The following ITPR1 variants were observed in gnomAD, a reference collection of about 807,000 sequenced individuals.
ITPR1 encodes the protein inositol 1,4,5-trisphosphate-gated calcium channel ITPR1.
A neutral mutation model predicts 318.4 loss-of-function variants in ITPR1; 96 were observed. The ratio of observed to expected loss-of-function variants is 0.30; its 90% CI spans 0.26 to 0.36. The LOEUF is 0.36. Among genes scored for constraint, ITPR1 ranks in the 10% least tolerant of loss-of-function variants. The probability of loss-of-function intolerance (pLI) is 1.00; values close to 1 mark genes in which losing one functional copy is unlikely to be tolerated. For synonymous variants in ITPR1, 1,312 were observed against 1,289.9 expected (o/e 1.02, Z -0.37); for missense variants, 2,440 against 3,460.2 (o/e 0.71, Z 7.40).
At chr3:4,502,281 A>G (rs1399519751) in intron 2 of ITPR1, among the ~76,000 whole-genome samples, 1 of 150,410 alleles carries the variant, frequency 6.6e-6, no homozygotes, top group Non-Finnish European at 1.5e-5. Flanking sequence ...GTCATTTGAA[A>G]CTCCAGGGCC....
chr3:4,604,112 G>C (rs1372602764), intron 4 of ITPR1, among the ~76,000 whole-genome samples: 1 of 152,062 alleles, frequency 6.6e-6, no homozygotes, highest in African/African-American at 2.4e-5. Flanking sequence ...TTCCTGTGTT[G>C]GTTGACCATC....
chr3:4,544,715 T>C lies in ITPR1; in HGVS notation c.163+23621T>C, dbSNP rs79199861. ...AATGCATAGTCTGAGATTTTCTCTTTATCTGTCATCCCTTTTAAGTGATGG... is the reference window on the plus strand; with the variant it reads ...AATGCATAGTCTGAGATTTTCTCTTCATCTGTCATCCCTTTTAAGTGATGG... On this transcript the variant is annotated intron_variant, in intron 4 of 61. Coordinates refer to ENST00000649015, the MANE Select transcript of ITPR1 (RefSeq NM_001378452.1). Among the ~76,000 whole-genome samples, 1,139 of 152,346 alleles carry C rather than the reference T, an allele frequency of 7.5e-3. 47 individuals are homozygous for C. Among genetic ancestry groups the C allele is most frequent in the Admixed American group, 0.058 (888 of 15,298 alleles).
intron 4 of ITPR1, among the ~76,000 whole-genome samples, chr3:4,599,667 A>G (rs1444868492): frequency 6.6e-6 from 1 of 152,182 alleles, no homozygotes; most frequent in African/African-American, 2.4e-5. Flanking sequence ...AAACGTGAAA[A>G]TGGTTGAATG....
chr3:4,756,277 C>G (rs974407207), intron 44 of ITPR1, among the ~76,000 whole-genome samples: 12 of 152,106 alleles, frequency 7.9e-5, no homozygotes, highest in Non-Finnish European at 1.6e-4. Context: ...TATCTCTGCA[C>G]GTGCAGAAAT....
At chr3:4,571,199 G>A (rs1007607851) in intron 4 of ITPR1, among the ~76,000 whole-genome samples, 2 of 152,184 alleles carry the variant, frequency 1.3e-5, no homozygotes, top group Non-Finnish European at 2.9e-5. Context: ...GCATTACAAA[G>A]TTTCATGTCA....
At chr3:4,732,873 A>G (rs763839429) in intron 42 of ITPR1, among the ~76,000 whole-genome samples, 1 of 152,228 alleles carries the variant, frequency 6.6e-6, no homozygotes, top group Non-Finnish European at 1.5e-5. Flanking sequence ...TTCAGTCAAT[A>G]TTTTAGATTG....
intron 45 of ITPR1, chr3:4,768,287 TAC>T: frequency 2.0e-6 from 1 of 510,990 alleles, no homozygotes; most frequent in Non-Finnish European, 3.5e-6. Flanking sequence ...AAACACACTG[TAC>T]ACGTAGGTGA....
At chr3:4,792,331 C>T (rs115702230) in intron 52 of ITPR1, among the ~76,000 whole-genome samples, 2 of 152,326 alleles carry the variant, frequency 1.3e-5, no homozygotes, top group African/African-American at 2.4e-5. Flanking sequence ...GAGGGGGGCA[C>T]GTTATTTGGC....
chr3:4,829,688 C>T (rs1324894676), intron 60 of ITPR1, among the ~76,000 whole-genome samples: 1 of 152,040 alleles, frequency 6.6e-6, no homozygotes, highest in Non-Finnish European at 1.5e-5. Context: ...TTTGATATGC[C>T]AATATTGGAT....
intron 39 of ITPR1, among the ~76,000 whole-genome samples, chr3:4,715,917 C>T (rs1198634124): frequency 3.9e-5 from 6 of 152,014 alleles, no homozygotes; most frequent in Non-Finnish European, 8.8e-5. Context: ...AGAAGATGGC[C>T]AGAGATTTTA....
chr3:4,659,091 G>A (rs529344643), intron 13 of ITPR1, among the ~76,000 whole-genome samples: 1 of 152,218 alleles, frequency 6.6e-6, no homozygotes, highest in Admixed American at 6.5e-5. Context: ...AGACACATAG[G>A]GTTATTTGGG....
chr3:4,655,660 G>C (rs1559623779), intron 12 of ITPR1, among the ~76,000 whole-genome samples: 1 of 152,184 alleles, frequency 6.6e-6, no homozygotes, highest in South Asian at 2.1e-4. Flanking sequence ...GAGTGGTCCA[G>C]ACTCATCCCC....
chr3:4,736,618 C>A (rs1158474720), intron 44 of ITPR1, among the ~76,000 whole-genome samples: 1 of 152,248 alleles, frequency 6.6e-6, no homozygotes, highest in Non-Finnish European at 1.5e-5. Flanking sequence ...GCAAGGCCCA[C>A]TGCTTGTCTA....
chr3:4,587,776 G>T (rs2090047841), intron 4 of ITPR1, among the ~76,000 whole-genome samples: 1 of 152,212 alleles, frequency 6.6e-6, no homozygotes, highest in Admixed American at 6.5e-5. Flanking sequence ...CTCAATTTGG[G>T]AAGGACTTGT....
chr3:4,611,567 A>G (rs1322118162), intron 4 of ITPR1, among the ~76,000 whole-genome samples: 1 of 148,604 alleles, frequency 6.7e-6, no homozygotes, highest in Non-Finnish European at 1.5e-5. Flanking sequence ...CTCAAAAATA[A>G]ATAAATAAAT....
At chr3:4,696,874 T>G (rs375491620) in intron 33 of ITPR1, among the ~76,000 whole-genome samples, 110 of 152,300 alleles carry the variant, frequency 7.2e-4, no homozygotes, top group Middle Eastern at 3.4e-3. Context: ...ACAGAAATTC[T>G]TAATTTCAAA....
At chr3:4,622,246 C>T (rs990083131) in intron 4 of ITPR1, among the ~76,000 whole-genome samples, 3 of 151,100 alleles carry the variant, frequency 2.0e-5, no homozygotes, top group South Asian at 2.1e-4. Flanking sequence ...TCCTGAGTAG[C>T]TGGGACTACA....
At position 4,735,175 on chromosome 3, in the gene ITPR1, G is replaced by T; in HGVS notation, c.5365G>T (p.Gly1789Ter). 6.2e-7 allele frequency: 1 copy of T among 1,612,694 alleles called. No individual in the cohort carries two copies. Among genetic ancestry groups the T allele is most frequent in the South Asian group, 1.1e-5 (1 of 91,064 alleles). ...GKPGGGGGGS[G>*]SSSMSRGEMS... ...TTCCATCTTCTTAGGGGGAGGTTCC[G>T]GATCCAGCTCTATGAGCAGGGGTGA... Residue 1789 changes from glycine to a stop codon, truncating the protein, a stop_gained, in exon 44 of 62, where the codon GGA becomes TGA. Transcript: ENST00000649015. LOFTEE classifies it high-confidence loss of function.
rs780343707 is a variant in ITPR1 at position 4,667,479 on chromosome 3, C to T, written c.1816C>T (p.Leu606=). 1.1e-5 allele frequency: 17 copies of T among 1,613,848 alleles called. No homozygotes were observed. Among genetic ancestry groups the T allele is most frequent in the East Asian group, 2.2e-5 (1 of 44,874 alleles). ...TALLHNNRKL[L]EKHITAAEID... is the part of the protein sequence containing the mutation. ...CCTGCTCCACAATAATCGGAAACTC[C>T]TGGAAAAACACATTACCGCGGCAGA... Residue 606 remains leucine (L), a synonymous_variant, in exon 18 of 62, where the codon CTG becomes TTG. Coordinates refer to ENST00000649015, the MANE Select transcript of ITPR1 (RefSeq NM_001378452.1).
Sources: gnomAD v4.1 joint callset for allele counts (sites outside exome capture counted in the v4.1 genomes callset) on GRCh38, gnomAD v4.1.1 for gene constraint, MANE v1.5 for transcripts, NCBI Gene and HGNC (gene_info 2026-07-23, HGNC 2026-07-21) for gene names.